The following PDGFA variants were observed in gnomAD, a reference collection of about 807,000 sequenced individuals.
PDGFA encodes the protein platelet derived growth factor subunit A, also known as platelet-derived growth factor subunit A.
Under a neutral mutation model 25.6 loss-of-function variants are expected in PDGFA, and 9 were observed. The observed-to-expected ratio is 0.35, with a 90% CI of 0.21 to 0.61. PDGFA has a LOEUF of 0.61. PDGFA is among the 20% of genes least tolerant of loss of function. The pLI is 0.75. For missense variants in PDGFA, 242 were observed against 272.8 expected (o/e 0.89, Z 0.79); for synonymous variants, 133 against 111.8 (o/e 1.19, Z -1.20).
Position 517,445 on chromosome 7 carries a change from G to C in PDGFA, c.109C>G (p.Gln37Glu). The change falls in exon 2 of 6, where the codon CAG becomes GAG. Residue 37 changes from glutamine to glutamate, a missense_variant. Transcript: ENST00000402802. This position sits in a 1 kb window ranked among gnomAD's most constrained non-coding sequence, Gnocchi z 7.4. ...TGGAGGTCCCGGATGCTGTGGATCT[G>C]ACTGCGGGCCAGCCTCTCGATCACC... The C allele has an allele frequency of 7.2e-7, 1 of 1,387,648 alleles. No homozygotes were observed. The highest frequency in any genetic ancestry group is 9.5e-7 in the Non-Finnish European group (1 of 1,056,170). The allele number at this position is 1,387,648 out of a possible 1,614,324, so 86.0% of individuals were successfully genotyped here.
At chr7:507,248 A>C (rs77431568) in intron 4 of PDGFA, among the ~76,000 whole-genome samples, 5 of 152,152 alleles carry the variant, frequency 3.3e-5, no homozygotes, top group Non-Finnish European at 4.4e-5. Context: ...GGGAACATGA[A>C]GGGGGCCTGG....
At chr7:502,070 TA>T in intron 4 of PDGFA, among the ~76,000 whole-genome samples, 1 of 151,978 alleles carries the variant, frequency 6.6e-6, no homozygotes, top group Middle Eastern at 3.4e-3. Flanking sequence ...AAAAACAATT[TA>T]AAAATTAGCA....
At position 500,960 on chromosome 7, in the gene PDGFA, G is replaced by C. The variant is rs575901253; in HGVS notation, c.580+156C>G. On this transcript the variant is annotated intron_variant, in intron 5 of 5. Transcript: ENST00000402802. The surrounding 1 kb of genome is among the most constrained non-coding windows in gnomAD (Gnocchi z 5.0). ...AGGTGTGGGATCCGTCTCCCCCGCA[G>C]GCATCTGGCCCGGGAGCAGGGCAAC... 15 of 1,597,018 alleles carry C rather than the reference G, an allele frequency of 9.4e-6. No individual in the cohort carries two copies. The Admixed American group carries it at 1.0e-4, about 11-fold the overall frequency.
At chr7:504,985 C>A (rs1269860176) in intron 4 of PDGFA, among the ~76,000 whole-genome samples, 1 of 152,250 alleles carries the variant, frequency 6.6e-6, no homozygotes, top group Non-Finnish European at 1.5e-5. Flanking sequence ...GAACCCACTG[C>A]CTCCTCAGAC....
exon 1 of PDGFA, chr7:519,156 C>T (rs1783248596): frequency 3.9e-6 from 2 of 512,606 alleles, no homozygotes; most frequent in Non-Finnish European, 6.8e-6. Flanking sequence ...GGAGCGCGCC[C>T]GGCGCGAGCA....
chr7:500,376 G>A lies in PDGFA; in HGVS notation c.580+740C>T. On this transcript the variant is annotated intron_variant, in intron 5 of 5. Transcript: ENST00000402802. This position sits in a 1 kb window ranked among gnomAD's most constrained non-coding sequence, Gnocchi z 5.0. ...GAAGCGTGATTTGCTGGTGTGATCA[G>A]TCAGTTGCACCTCCCCGCCCTGCAG... The A allele has an allele frequency of 1.3e-6, 2 of 1,575,862 alleles. No homozygotes were observed. Among genetic ancestry groups the A allele is most frequent in the Non-Finnish European group, 1.7e-6 (2 of 1,145,488 alleles).
intron 4 of PDGFA, among the ~76,000 whole-genome samples, chr7:505,193 T>C (rs147999178): frequency 0.015 from 2,220 of 152,236 alleles, 64 homozygotes; most frequent in African/African-American, 0.051. Flanking sequence ...CAGACTACAA[T>C]GTCCTCAGGA....
At chr7:518,893 C>T in intron 1 of PDGFA, 46 bp downstream of exon 1, 2 of 1,364,648 alleles carry the variant, frequency 1.5e-6, no homozygotes, top group African/African-American at 1.5e-5. Context: ...GGGGGGTGTG[C>T]GCCGGAGGAG....
intron 2 of PDGFA, among the ~76,000 whole-genome samples, chr7:515,909 G>A: frequency 6.6e-6 from 1 of 152,056 alleles, no homozygotes; most frequent in East Asian, 1.9e-4. Context: ...AATAGTCCCA[G>A]CAGAAAGTGA....
At chr7:501,433 TTGTG>T (rs1334066489) in intron 4 of PDGFA, among the ~76,000 whole-genome samples, 191 bp from the exon 5 acceptor site, 11 of 152,012 alleles carry the variant, frequency 7.2e-5, no homozygotes, top group Admixed American at 3.9e-4. Flanking sequence ...CAGTGCAGTT[TTGTG>T]TGTGTGTGTT....
intron 2 of PDGFA, among the ~76,000 whole-genome samples, chr7:513,855 A>T (rs531872544): frequency 6.6e-6 from 1 of 152,360 alleles, no homozygotes; most frequent in Non-Finnish European, 1.5e-5. Context: ...CCGGAGCCCA[A>T]CTTTTTACCG....
intron 3 of PDGFA, among the ~76,000 whole-genome samples, 160 bp downstream of exon 3, chr7:512,165 GAGGCCAGAGCCAGAGGCACCAGGGCC>G: frequency 6.6e-6 from 1 of 152,314 alleles, no homozygotes; most frequent in East Asian, 1.9e-4. Flanking sequence ...GGCCTCGGGA[GAGGCCAGAGCCAGAGGCACCAGGGCC>G]AGGCCTATTT....
intron 5 of PDGFA, among the ~76,000 whole-genome samples, chr7:499,628 T>A (rs1027932488): frequency 1.3e-5 from 2 of 148,794 alleles, no homozygotes; most frequent in African/African-American, 5.0e-5. Flanking sequence ...TTTCCCAAGC[T>A]CCCTTGCAGT....
chr7:512,351 C>T (rs1562491116), exon 3 of PDGFA: 3 of 1,612,222 alleles, frequency 1.9e-6, no homozygotes, highest in East Asian at 2.2e-5. Flanking sequence ...CTGGACTCAC[C>T]GATGCTTCTC....
chr7:504,895 G>A (rs1225314798), intron 4 of PDGFA, among the ~76,000 whole-genome samples: 9 of 152,320 alleles, frequency 5.9e-5, no homozygotes, highest in South Asian at 2.1e-4. Context: ...CACCGCGGGC[G>A]CGTGGGCTCC....
At chr7:512,794 G>A (rs1056388646) in intron 2 of PDGFA, 1 of 592,004 alleles carries the variant, frequency 1.7e-6, no homozygotes, top group Non-Finnish European at 2.5e-6. Context: ...AGGTAGCCCA[G>A]GTGAGGGCTG....
At chr7:505,146 A>G (rs1782506232) in intron 4 of PDGFA, among the ~76,000 whole-genome samples, 1 of 152,202 alleles carries the variant, frequency 6.6e-6, no homozygotes, top group South Asian at 2.1e-4. Context: ...GATTCTCACA[A>G]AAACCTCCTC....
At chr7:519,146 G>A in exon 1 of PDGFA, 1 of 550,368 alleles carries the variant, frequency 1.8e-6, no homozygotes, top group Non-Finnish European at 3.1e-6. Flanking sequence ...CGGAGCTGGC[G>A]GAGCGCGCCC....
Position 502,934 on chromosome 7 carries a change from G to A in PDGFA, c.454-1692C>T, listed in dbSNP as rs192108599. 3.5e-4 allele frequency among the ~76,000 whole-genome samples: 53 copies of A among 152,162 alleles called. 2 individuals carry two copies. The East Asian group carries it at 8.7e-3, about 25-fold the overall frequency. ...CCCCCACCAGTCATGCATGTGTAAT[G>A]TACACAGGGGCCCCATCGTGGGAAT... On this transcript the variant is annotated intron_variant, in intron 4 of 5. Coordinates refer to ENST00000402802, the Ensembl canonical transcript of PDGFA.
Sources: gnomAD v4.1 joint callset for allele counts (sites outside exome capture counted in the v4.1 genomes callset) on GRCh38, gnomAD v4.1.1 for gene constraint, Gnocchi (gnomAD v3.1) non-coding constraint, MANE v1.5 for transcripts, NCBI Gene and HGNC (gene_info 2026-07-23, HGNC 2026-07-21) for gene names.